Variants in AFAP1 observed in about 807,000 individuals in gnomAD.
The protein encoded by AFAP1 is actin filament-associated protein 1.
Under a neutral mutation model 93.9 loss-of-function variants are expected in AFAP1, and 75 were observed. The observed-to-expected ratio is 0.80, with a 90% confidence interval of 0.66 to 0.97. The LOEUF (loss-of-function observed/expected upper bound fraction) is 0.97. AFAP1 is among the 50% of genes least tolerant of loss of function. The pLI, the probability that AFAP1 is intolerant of heterozygous loss-of-function variation, is 0.00. For synonymous variants in AFAP1, 517 were observed against 430.7 expected (o/e 1.20, Z -2.48); for missense variants, 1,201 against 1,050.8 (o/e 1.14, Z -1.98).
chr4:7,781,376 C>A lies in AFAP1; in HGVS notation c.1782G>T (p.Gln594His). Reference sequence around the variant, plus strand: ...AATCTTACAGAAGAAGATGCCGTACCTGCGAGTTGAGCCCGAGAGACGCCC... The same window carrying A: ...AATCTTACAGAAGAAGATGCCGTACATGCGAGTTGAGCCCGAGAGACGCCC... ...VGRASLGLNS[Q>H]LKGKKPPVAS... Residue 594 changes from glutamine (Q) to histidine (H), a missense_variant and splice_region_variant, in exon 13 of 18, where the codon CAG becomes CAT. Coordinates refer to ENST00000420658, the MANE Select transcript of AFAP1 (RefSeq NM_001134647.2). The A allele has an allele frequency of 6.4e-7, 1 of 1,551,290 alleles. No individual in the cohort carries two copies. The highest frequency in any genetic ancestry group is 8.7e-7 in the Non-Finnish European group (1 of 1,146,622).
At chr4:7,868,576 C>T (rs907461374) in intron 3 of AFAP1, 46 bp downstream of exon 3, 6 of 1,564,804 alleles carry the variant, frequency 3.8e-6, no homozygotes. Context: ...GTAAGTACCC[C>T]CAGGCCTCCA....
intron 6 of AFAP1, among the ~76,000 whole-genome samples, chr4:7,824,478 T>C (rs921767065): frequency 1.1e-4 from 17 of 152,070 alleles, no homozygotes; most frequent in African/African-American, 3.9e-4. Flanking sequence ...GAACCACTAG[T>C]AATGGAAATT....
intron 16 of AFAP1, among the ~76,000 whole-genome samples, chr4:7,769,226 C>T (rs1715064149): frequency 6.6e-6 from 1 of 152,176 alleles, no homozygotes; most frequent in African/African-American, 2.4e-5. Context: ...CAGGTGGAGG[C>T]TCCAAGGGGT....
chr4:7,775,409 A>T (rs1577189277), intron 14 of AFAP1: 1 of 152,962 alleles, frequency 6.5e-6, no homozygotes, highest in South Asian at 2.1e-4. Flanking sequence ...AACAAGGTGG[A>T]GAATGAACAT....
intron 6 of AFAP1, among the ~76,000 whole-genome samples, chr4:7,830,522 A>G (rs1721794869): frequency 6.6e-6 from 1 of 152,224 alleles, no homozygotes; most frequent in Non-Finnish European, 1.5e-5. Context: ...GTTTGAAGCC[A>G]TTTACACAGA....
At chr4:7,936,045 G>A (rs938892042) in intron 1 of AFAP1, among the ~76,000 whole-genome samples, 2 of 152,144 alleles carry the variant, frequency 1.3e-5, no homozygotes, top group African/African-American at 4.8e-5. Flanking sequence ...CAAAGTACAT[G>A]GAGCATATAA....
chr4:7,884,456 C>A (rs1204857317), intron 1 of AFAP1, among the ~76,000 whole-genome samples: 1 of 152,078 alleles, frequency 6.6e-6, no homozygotes, highest in African/African-American at 2.4e-5. Context: ...GCCAGCCCTG[C>A]CAACTATTTA....
At chr4:7,890,861 G>GT (rs1272045175) in intron 1 of AFAP1, among the ~76,000 whole-genome samples, 1 of 152,212 alleles carries the variant, frequency 6.6e-6, no homozygotes, top group South Asian at 2.1e-4. Context: ...GAGTTTGGCA[G>GT]TTTTTTGTAA....
At chr4:7,914,118 G>A (rs573474020) in intron 1 of AFAP1, among the ~76,000 whole-genome samples, 1 of 151,540 alleles carries the variant, frequency 6.6e-6, no homozygotes, top group South Asian at 2.1e-4. Context: ...GCAGTGGCGC[G>A]ATCTCAGCTC....
chr4:7,798,767 T>TG (rs2149026656), intron 10 of AFAP1: 1 of 450,272 alleles, frequency 2.2e-6, no homozygotes, highest in East Asian at 1.5e-4. Flanking sequence ...ACACAGCTAC[T>TG]GTGCCCCCAG....
chr4:7,822,562 T>C (rs988600575), intron 6 of AFAP1, among the ~76,000 whole-genome samples: 3 of 150,212 alleles, frequency 2.0e-5, no homozygotes, highest in Non-Finnish European at 4.4e-5. Context: ...AAAAAAACGG[T>C]TGTCTTCTTT....
At chr4:7,787,927 C>T (rs987010840) in intron 11 of AFAP1, among the ~76,000 whole-genome samples, 5 of 152,186 alleles carry the variant, frequency 3.3e-5, no homozygotes, top group South Asian at 2.1e-4. Context: ...CTCCTGACAC[C>T]CCTCGCACCC....
intron 14 of AFAP1, 58 bp from the exon 15 acceptor site, chr4:7,774,961 G>A (rs1301525174): frequency 1.9e-6 from 3 of 1,575,116 alleles, no homozygotes; most frequent in Middle Eastern, 3.4e-4. Context: ...GGGAAATATG[G>A]GACGATCCCT....
chr4:7,925,675 G>C (rs555421189), intron 1 of AFAP1, among the ~76,000 whole-genome samples: 1 of 152,042 alleles, frequency 6.6e-6, no homozygotes, highest in Non-Finnish European at 1.5e-5. Flanking sequence ...GGAAAACTCC[G>C]TCCCTACTAA....
At chr4:7,791,681 G>A (rs1463406085) in intron 11 of AFAP1, among the ~76,000 whole-genome samples, 34 of 145,940 alleles carry the variant, frequency 2.3e-4, no homozygotes, top group South Asian at 1.9e-3. Flanking sequence ...ATAAGACCCC[G>A]TCTCTACCAA....
intron 1 of AFAP1, among the ~76,000 whole-genome samples, chr4:7,936,531 T>C (rs1721391946): frequency 6.6e-6 from 1 of 151,364 alleles, no homozygotes; most frequent in African/African-American, 2.4e-5. Flanking sequence ...CTTAGAACTA[T>C]AGCTCCTCTA....
intron 1 of AFAP1, among the ~76,000 whole-genome samples, chr4:7,899,752 C>CA (rs1480861297): frequency 2.0e-5 from 3 of 152,278 alleles, no homozygotes; most frequent in Non-Finnish European, 4.4e-5. Flanking sequence ...CAAAGGGAAG[C>CA]ATCAGCAGGC....
intron 11 of AFAP1, among the ~76,000 whole-genome samples, chr4:7,790,989 T>C (rs889397989): frequency 2.6e-5 from 4 of 152,216 alleles, no homozygotes; most frequent in Admixed American, 2.0e-4. Context: ...TATCTTCACT[T>C]TGAGAACTAT....
chr4:7,874,420 G>A (rs186110686), intron 1 of AFAP1, among the ~76,000 whole-genome samples: 1,463 of 137,548 alleles, frequency 0.011, 13 homozygotes, highest in Admixed American at 0.014. Context: ...CTGGAGTGCA[G>A]TGGTGCAATC....
Sources: allele counts gnomAD v4.1 joint callset (sites outside exome capture counted in the v4.1 genomes callset), GRCh38; gene constraint gnomAD v4.1.1; transcripts MANE v1.5; gene names NCBI Gene and HGNC (gene_info 2026-07-23, HGNC 2026-07-21).